TRIO: variants seen among roughly 807,000 people sequenced by gnomAD.
TRIO encodes the protein triple functional domain protein.
TRIO carries 58 observed loss-of-function variants against 351.9 expected under a neutral mutation model. The ratio of observed to expected loss-of-function variants is 0.16; its 90% CI spans 0.13 to 0.21. TRIO has a LOEUF of 0.21. Ranked by LOEUF, TRIO falls within the 10% of genes least tolerant of loss-of-function variation. TRIO has a pLI of 1.00. For missense variants in TRIO, 3,201 were observed against 4,027.8 expected, an observed-to-expected ratio of 0.79 and a Z score of 5.56; for synonymous variants, 1,758 against 1,595.7, an observed-to-expected ratio of 1.10 and a Z score of -2.42.
chr5:14,359,313 G>T, intron 12 of TRIO, 44 bp from the exon 13 acceptor site: 1 of 1,588,674 alleles, frequency 6.3e-7, no homozygotes, highest in African/African-American at 1.3e-5. Flanking sequence ...CTAACAATGT[G>T]TGACTTTCTC....
intron 1 of TRIO, among the ~76,000 whole-genome samples, chr5:14,204,794 C>G (rs1381588525): frequency 6.6e-6 from 1 of 152,188 alleles, no homozygotes; most frequent in Non-Finnish European, 1.5e-5. Context: ...GTGCCTTCCC[C>G]TCTTTGACTC....
chr5:14,289,332 C>T (rs1461546026), intron 4 of TRIO, among the ~76,000 whole-genome samples: 1 of 151,862 alleles, frequency 6.6e-6, no homozygotes, highest in Admixed American at 6.6e-5. Flanking sequence ...TTGCAGTGAG[C>T]TGAGGTTGCA....
rs1757872091 is a variant in TRIO at position 14,508,471 on chromosome 5, T to C, written c.*49T>C. 6.5e-7 allele frequency: 1 copy of C among 1,532,546 alleles called. No individual in the cohort carries two copies. Among genetic ancestry groups the C allele is most frequent in the Non-Finnish European group, 8.8e-7 (1 of 1,141,460 alleles). The allele number at this position is 1,532,546 out of a possible 1,614,324, so 94.9% of individuals were successfully genotyped here. ...TCTCTTTCACCTGCCAATCAGCTGTTAATCTGAATTTTCAAGAGAAAACAA... is the reference window on the plus strand; with the variant it reads ...TCTCTTTCACCTGCCAATCAGCTGTCAATCTGAATTTTCAAGAGAAAACAA... On this transcript the variant is annotated 3_prime_UTR_variant, in exon 57 of 57. Coordinates refer to ENST00000344204, the MANE Select transcript of TRIO (RefSeq NM_007118.4).
chr5:14,435,195 T>C (rs1418663939), intron 34 of TRIO, among the ~76,000 whole-genome samples: 1 of 151,882 alleles, frequency 6.6e-6, no homozygotes, highest in Non-Finnish European at 1.5e-5. Flanking sequence ...TACAGCAGGG[T>C]TTTATTGGGT....
chr5:14,331,641 A>G (rs1740914042), intron 10 of TRIO, among the ~76,000 whole-genome samples: 2 of 152,210 alleles, frequency 1.3e-5, no homozygotes, highest in Non-Finnish European at 2.9e-5. Context: ...CGAGTCATAC[A>G]GTGTAACTTC....
intron 34 of TRIO, among the ~76,000 whole-genome samples, chr5:14,456,884 A>C (rs1314180300): frequency 6.6e-6 from 1 of 152,230 alleles, no homozygotes; most frequent in African/African-American, 2.4e-5. Flanking sequence ...TCATTCTGTT[A>C]ATGATGGTAT....
intron 1 of TRIO, among the ~76,000 whole-genome samples, chr5:14,234,822 A>G (rs974153051): frequency 1.3e-5 from 2 of 152,250 alleles, no homozygotes; most frequent in African/African-American, 4.8e-5. Flanking sequence ...ATTTGCAAAA[A>G]GTTCTGAAAT....
chr5:14,358,097 C>G, intron 11 of TRIO, 81 bp from the exon 12 acceptor site: 1 of 1,499,032 alleles, frequency 6.7e-7, no homozygotes, highest in African/African-American at 1.4e-5. Flanking sequence ...ACCGTCTCCA[C>G]TGGGGCCCCT....
intron 38 of TRIO, among the ~76,000 whole-genome samples, chr5:14,471,940 C>T (rs1754721512): frequency 6.6e-6 from 1 of 151,732 alleles, no homozygotes. Flanking sequence ...ACGTAAGCTA[C>T]GAAACGGCAG....
rs55693216 is a variant in TRIO, at chr5:14,481,549, G to A, written c.6396G>A (p.Val2132=). 8.1e-5 allele frequency: 131 copies of A among 1,614,132 alleles called. 1 individual carries two copies. In the East Asian group the frequency reaches 2.6e-3, roughly 32 times the overall value. ...SLDTSELERA[V]EVMCIVPRRC... ...TCTCTCCCCTCCCACAGAGAGCTGT[G>A]GAAGTCATGTGCATAGTACCCAGGC... The change falls in exon 45 of 57, where the codon GTG becomes GTA. Residue 2132 remains valine, a synonymous_variant. Coordinates refer to ENST00000344204, the MANE Select transcript of TRIO (RefSeq NM_007118.4).
chr5:14,237,343 C>G (rs939388863), intron 1 of TRIO, among the ~76,000 whole-genome samples: 1 of 152,126 alleles, frequency 6.6e-6, no homozygotes, highest in Non-Finnish European at 1.5e-5. Flanking sequence ...TTGGGACATT[C>G]AACATGTAAC....
In TRIO at chr5:14,461,232, T is replaced by TC; in HGVS notation, c.5419dup (p.Arg1807ProfsTer82). On this transcript the variant is annotated frameshift_variant, in exon 35 of 57. Transcript: ENST00000344204. LOFTEE classifies it high-confidence loss of function. ...CACAAGCACAAGAAGAGCCGCGAGG[T>TC]CCGCAAGAGCGCCGACGCCGGCTCG... is the stretch of plus-strand genomic sequence containing the variant. 6.3e-7 allele frequency: 1 copy of TC among 1,584,638 alleles called. No homozygotes were observed. Among genetic ancestry groups the TC allele is most frequent in the East Asian group, 2.3e-5 (1 of 43,616 alleles).
chr5:14,233,990 G>T (rs1391962209), intron 1 of TRIO, among the ~76,000 whole-genome samples: 1 of 152,064 alleles, frequency 6.6e-6, no homozygotes, highest in Admixed American at 6.5e-5. Context: ...TGGAGACAGG[G>T]TGTCACTGTT....
chr5:14,388,486 C>T, intron 23 of TRIO, 127 bp from the exon 24 acceptor site: 1 of 895,074 alleles, frequency 1.1e-6, no homozygotes, highest in Non-Finnish European at 1.7e-6. Flanking sequence ...TGTGATTCAC[C>T]TCTCCAAAAT....
intron 34 of TRIO, among the ~76,000 whole-genome samples, chr5:14,457,373 T>C (rs1435944968): frequency 0.035 from 1,673 of 48,090 alleles, no homozygotes; most frequent in Middle Eastern, 0.045. Flanking sequence ...AGCCCTGACC[T>C]CCCCCCCCCC....
At chr5:14,208,983 T>C (rs1021243698) in intron 1 of TRIO, among the ~76,000 whole-genome samples, 5 of 152,262 alleles carry the variant, frequency 3.3e-5, no homozygotes, top group African/African-American at 1.2e-4. Context: ...GGTTGTGCAA[T>C]TATAAATTTA....
chr5:14,431,163 G>A (rs1206823132), intron 34 of TRIO, among the ~76,000 whole-genome samples: 1 of 152,230 alleles, frequency 6.6e-6, no homozygotes, highest in Non-Finnish European at 1.5e-5. Flanking sequence ...TCTCCCAGGA[G>A]AACATCCTCA....
Position 14,368,888 on chromosome 5 carries a change from A to G in TRIO, c.3055A>G (p.Thr1019Ala). 6.2e-7 allele frequency: 1 copy of G among 1,613,696 alleles called. No homozygotes were observed. Among genetic ancestry groups the G allele is most frequent in the South Asian group, 1.1e-5 (1 of 91,036 alleles). ...LVNASVAFYK[T>A]SEQVCSVLES... ...CAACGCCTCTGTCGCTTTCTACAAA[A>G]CCTCAGAGCAGGTCAGGGGAGAGGT... The change falls in exon 17 of 57, where the codon ACC becomes GCC. Residue 1019 changes from threonine to alanine, a missense_variant. Coordinates refer to ENST00000344204, the MANE Select transcript of TRIO (RefSeq NM_007118.4).
At chr5:14,460,137 C>T (rs748314958) in intron 34 of TRIO, among the ~76,000 whole-genome samples, 71 of 152,228 alleles carry the variant, frequency 4.7e-4, no homozygotes, top group Non-Finnish European at 7.5e-4. Flanking sequence ...AGGATAGTCT[C>T]GATCTCCTGA....
Sources: allele counts gnomAD v4.1 joint callset (sites outside exome capture counted in the v4.1 genomes callset), GRCh38; gene constraint gnomAD v4.1.1; transcripts MANE v1.5; gene names NCBI Gene and HGNC (gene_info 2026-07-23, HGNC 2026-07-21).